The following NEDD4 variants were observed in gnomAD, a reference collection of about 807,000 sequenced individuals.
NEDD4 encodes the protein E3 ubiquitin-protein ligase NEDD4.
A neutral mutation model predicts 144.9 loss-of-function variants in NEDD4; 99 were observed. The ratio of observed to expected loss-of-function variants is 0.68; its 90% CI spans 0.58 to 0.81. The LOEUF (loss-of-function observed/expected upper bound fraction) is 0.81, where lower values mean the gene tolerates loss of function less well. Among genes scored for constraint, NEDD4 ranks in the 30% least tolerant of loss-of-function variants. NEDD4 has a pLI of 0.00. For synonymous variants in NEDD4, 318 were observed against 350.6 expected (o/e 0.91, Z 1.04); for missense variants, 985 against 1,065.9 (o/e 0.92, Z 1.06).
chr15:55,990,732 A>C (rs2037977423), intron 1 of NEDD4, among the ~76,000 whole-genome samples: 1 of 152,136 alleles, frequency 6.6e-6, no homozygotes, highest in South Asian at 2.1e-4. Flanking sequence ...TATCACAGGG[A>C]GGTGCATGGG....
intron 27 of NEDD4, among the ~76,000 whole-genome samples, chr15:55,830,994 A>G (rs749459699): frequency 8.5e-5 from 13 of 152,262 alleles, no homozygotes; most frequent in African/African-American, 2.2e-4. Context: ...TCTCGGCTCA[A>G]TGCAACCTCT....
intron 12 of NEDD4, among the ~76,000 whole-genome samples, chr15:55,853,863 C>T (rs1230655026): frequency 2.0e-5 from 3 of 152,078 alleles, no homozygotes; most frequent in Non-Finnish European, 2.9e-5. Context: ...TGGTGGTGGG[C>T]ACCTGTAATC....
intron 5 of NEDD4, among the ~76,000 whole-genome samples, chr15:55,890,880 T>C (rs2035550398): frequency 6.6e-6 from 1 of 152,218 alleles, no homozygotes; most frequent in South Asian, 2.1e-4. Context: ...TGCATTTCCC[T>C]GGCAGCCAAT....
Position 55,852,419 on chromosome 15 carries a change from G to T in NEDD4, c.1146+5C>A. 6.2e-7 allele frequency: 1 copy of T among 1,605,224 alleles called. No individual in the cohort carries two copies. Among genetic ancestry groups the T allele is most frequent in the Non-Finnish European group, 8.5e-7 (1 of 1,175,102 alleles). ...AAGAAAGCAAGTTGATAGATTACAGGATACCTGTACAGTGGGCTTTGTCCA... is the reference window on the plus strand; with the variant it reads ...AAGAAAGCAAGTTGATAGATTACAGTATACCTGTACAGTGGGCTTTGTCCA... On this transcript the variant is annotated splice_donor_5th_base_variant and intron_variant, in intron 13 of 28. Coordinates refer to ENST00000435532, the MANE Select transcript of NEDD4 (RefSeq NM_006154.4).
intron 13 of NEDD4, among the ~76,000 whole-genome samples, chr15:55,851,492 T>G (rs1169500318): frequency 3.3e-5 from 5 of 152,072 alleles, no homozygotes; most frequent in African/African-American, 4.8e-5. Context: ...GTTTTTTTTT[T>G]TCAGATGGAG....
chr15:55,966,536 C>T lies in NEDD4; in HGVS notation c.56G>A (p.Arg19Gln), dbSNP rs184505235. The change falls in exon 2 of 29, where the codon CGA becomes CAA. Residue 19 changes from arginine (R) to glutamine (Q), a missense_variant. Arg to Gln is a conservative substitution (Grantham distance 43). Coordinates refer to ENST00000435532, the MANE Select transcript of NEDD4 (RefSeq NM_006154.4). Reference sequence around the variant, plus strand: ...GGCTATAACTCTTACTCTCACAATTCGTGAATTTTCCTAAAATACAAAAAT... The same window carrying T: ...GGCTATAACTCTTACTCTCACAATTTGTGAATTTTCCTAAAATACAAAAAT... ...FGLLEDEENS[R>Q]IVRVRVIAGI... 245 of 1,514,016 alleles carry T rather than the reference C, an allele frequency of 1.6e-4. 2 individuals carry two copies. The East Asian group carries it at 2.0e-3, about 12-fold the overall frequency. 93.8% of individuals were successfully genotyped at this position (1,514,016 alleles called of 1,614,324 possible).
intron 5 of NEDD4, among the ~76,000 whole-genome samples, chr15:55,922,577 G>C (rs1193314568): frequency 6.6e-6 from 1 of 152,124 alleles, no homozygotes; most frequent in Non-Finnish European, 1.5e-5. Context: ...TGGCCAGCCT[G>C]GTCTTGAACT....
At chr15:55,920,492 C>T (rs1386302630) in intron 5 of NEDD4, among the ~76,000 whole-genome samples, 1 of 152,074 alleles carries the variant, frequency 6.6e-6, no homozygotes, top group Non-Finnish European at 1.5e-5. Context: ...ACCACTACCA[C>T]CACCATCACC....
intron 18 of NEDD4, among the ~76,000 whole-genome samples, chr15:55,843,933 C>T (rs901956011): frequency 6.6e-6 from 1 of 152,120 alleles, no homozygotes; most frequent in Admixed American, 6.5e-5. Context: ...AGGAGTTTCT[C>T]ATCTGGCGTA....
At chr15:55,897,161 G>C (rs528904479) in intron 5 of NEDD4, among the ~76,000 whole-genome samples, 1 of 152,078 alleles carries the variant, frequency 6.6e-6, no homozygotes, top group African/African-American at 2.4e-5. Flanking sequence ...TTTTTGTAGA[G>C]ATGGGGTTTC....
rs143020253 is a variant in NEDD4 at position 55,842,127 on chromosome 15, G to A, written c.1645C>T (p.Arg549Ter). The A allele has an allele frequency of 9.3e-6, 15 of 1,613,928 alleles. No homozygotes were observed. The highest frequency in any genetic ancestry group is 4.5e-5 in the East Asian group (2 of 44,884). Reference sequence around the variant, plus strand: ...TAAGAGTCTTCAAGAACAGTTGCTCGGCGAAGTTTCATTTCAAATTTGTTT... The same window carrying A: ...TAAGAGTCTTCAAGAACAGTTGCTCAGCGAAGTTTCATTTCAAATTTGTTT... ...IPNKFEMKLRRATVLEDSYRR... is the reference protein window; with the variant it reads ...IPNKFEMKLR The change falls in exon 19 of 29, where the codon CGA becomes TGA. Residue 549 changes from arginine (R) to a stop codon, truncating the protein, a stop_gained. Coordinates refer to ENST00000435532, the MANE Select transcript of NEDD4 (RefSeq NM_006154.4). LOFTEE classifies it high-confidence loss of function.
At chr15:55,918,849 T>C (rs1283799605) in intron 5 of NEDD4, among the ~76,000 whole-genome samples, 1 of 152,192 alleles carries the variant, frequency 6.6e-6, no homozygotes, top group Non-Finnish European at 1.5e-5. Flanking sequence ...TTCTTTTAAA[T>C]AAGGAGGAGT....
chr15:55,918,979 T>A (rs569554819), intron 5 of NEDD4, among the ~76,000 whole-genome samples: 1 of 152,156 alleles, frequency 6.6e-6, no homozygotes, highest in Non-Finnish European at 1.5e-5. Flanking sequence ...ATTGTTCATG[T>A]CTGTGGCCTA....
chr15:55,868,907 C>T (rs62043764), intron 8 of NEDD4, among the ~76,000 whole-genome samples: 14,012 of 152,136 alleles, frequency 0.092, 719 homozygotes, highest in Middle Eastern at 0.15. Context: ...TCCTGAGGTT[C>T]GGAAAAGTTC....
chr15:55,928,232 G>A (rs2036712683), intron 4 of NEDD4, among the ~76,000 whole-genome samples: 1 of 152,154 alleles, frequency 6.6e-6, no homozygotes, highest in Admixed American at 6.6e-5. Context: ...GGCTGGTCTC[G>A]AACCCCTGAC....
At chr15:55,955,568 GTCTT>G (rs1256213820) in intron 2 of NEDD4, among the ~76,000 whole-genome samples, 4 of 151,970 alleles carry the variant, frequency 2.6e-5, no homozygotes, top group Non-Finnish European at 5.9e-5. Context: ...TGCAGTATCT[GTCTT>G]TCTGTGACTG....
chr15:55,940,474 G>GTCCTTCCTCCCTCTCTCCC (rs140610151), intron 4 of NEDD4, among the ~76,000 whole-genome samples: 20,269 of 145,442 alleles, frequency 0.14, 1,936 homozygotes, highest in Non-Finnish European at 0.21. Flanking sequence ...TTCCAAAGTA[G>GTCCTTCCTCCCTCTCTCCC]TCCTTCCTCC....
chr15:55,839,591 A>C (rs2141977434), intron 21 of NEDD4, among the ~76,000 whole-genome samples: 1 of 152,314 alleles, frequency 6.6e-6, no homozygotes, highest in East Asian at 1.9e-4. Context: ...ACAGGAAACA[A>C]CACGGCTACA....
In NEDD4 at chr15:55,921,957, T is replaced by C. The variant is rs187030630; in HGVS notation, c.291+2689A>G. 8.3e-4 allele frequency among the ~76,000 whole-genome samples: 127 copies of C among 152,306 alleles called. 2 individuals carry two copies. The highest frequency in any genetic ancestry group is 2.8e-3 in the African/African-American group (116 of 41,576). ...GAGCTGTCCCTCCTTGTGGACAACA[T>C]GCAAATAACGCAAATAAAATAGTTC... is the stretch of plus-strand genomic sequence containing the variant. On this transcript the variant is annotated intron_variant, in intron 5 of 28. Transcript: ENST00000435532.
Sources: allele counts gnomAD v4.1 joint callset (sites outside exome capture counted in the v4.1 genomes callset), GRCh38; gene constraint gnomAD v4.1.1; transcripts MANE v1.5; gene names NCBI Gene and HGNC (gene_info 2026-07-23, HGNC 2026-07-21).